Variants in CD27 observed in about 807,000 individuals in gnomAD.
The protein encoded by CD27 is CD27 molecule.
Under a neutral mutation model 25.9 loss-of-function variants are expected in CD27, and 16 were observed. The observed-to-expected ratio is 0.62, with a 90% CI of 0.42 to 0.94. The LOEUF (loss-of-function observed/expected upper bound fraction) is 0.94, where lower values mean the gene tolerates loss of function less well. Ranked by LOEUF, CD27 falls within the 40% of genes least tolerant of loss-of-function variation. The probability of loss-of-function intolerance (pLI) is 0.00; values close to 1 mark genes in which losing one functional copy is unlikely to be tolerated. For missense variants in CD27, 300 were observed against 333.2 expected (o/e 0.90, Z 0.78); for synonymous variants, 142 against 124.3 (o/e 1.14, Z -0.95).
intron 5 of CD27, 56 bp from the exon 6 acceptor site, chr12:6,451,212 T>C: frequency 6.3e-7 from 1 of 1,596,142 alleles, no homozygotes; most frequent in South Asian, 1.1e-5. Flanking sequence ...CATCTCCTTC[T>C]CCCGTCTCCC....
At chr12:6,449,282 C>T (rs1949473646) in intron 2 of CD27, among the ~76,000 whole-genome samples, 2 of 151,434 alleles carry the variant, frequency 1.3e-5, no homozygotes, top group Non-Finnish European at 2.9e-5. Flanking sequence ...CAGGCGTAAG[C>T]CACTGCACCT....
upstream of CD27, among the ~76,000 whole-genome samples, chr12:6,444,443 C>A (rs1949383736): frequency 6.6e-6 from 1 of 152,128 alleles, no homozygotes; most frequent in African/African-American, 2.4e-5. Context: ...ACTACCCCAA[C>A]TCCCCAAGGG....
In CD27 at chr12:6,451,428, C is replaced by T. The variant is rs1421571529; in HGVS notation, c.*36C>T. On this transcript the variant is annotated 3_prime_UTR_variant, in exon 6 of 6. Transcript: ENST00000266557. Reference sequence around the variant, plus strand: ...GCGGGAGCTGCACTACAGCCCTGGCCTCCACCCCCACCCCGCCGACCATCC... The same window carrying T: ...GCGGGAGCTGCACTACAGCCCTGGCTTCCACCCCCACCCCGCCGACCATCC... 1 of 1,596,512 alleles carries T rather than the reference C, an allele frequency of 6.3e-7. No individual in the cohort carries two copies.
Position 6,445,431 on chromosome 12 carries a change from C to G in CD27, c.144C>G (p.Phe48Leu). Residue 48 changes from phenylalanine (F) to leucine (L), a missense_variant, in exon 2 of 6, where the codon TTC (phenylalanine) becomes TTG (leucine). Transcript: ENST00000266557. The surrounding 1 kb of genome is among the most constrained non-coding windows in gnomAD (Gnocchi z 4.5). ...LCCQMCEPGT[F>L]LVKDCDQHRK... Reference sequence around the variant, plus strand: ...CTTACCCTCTCCTCCCAGGAACATTCCTCGTGAAGGACTGTGACCAGCATA... The same window carrying G: ...CTTACCCTCTCCTCCCAGGAACATTGCTCGTGAAGGACTGTGACCAGCATA... 6.2e-7 allele frequency: 1 copy of G among 1,614,184 alleles called. No homozygotes were observed. Among genetic ancestry groups the G allele is most frequent in the Non-Finnish European group, 8.5e-7 (1 of 1,180,030 alleles).
Position 6,451,391 on chromosome 12 carries a change from G to A in CD27, c.782G>A (p.Ter261=). ...AAACCGGAGCCTGCCTGCTCCCCCT[G>A]AGCCAGCACCTGCGGGAGCTGCACT... ...YRKPEPACSP[*] Residue 261 remains the stop codon, a stop_retained_variant, in exon 6 of 6, where the codon TGA becomes TAA. Transcript: ENST00000266557. 6.2e-7 allele frequency: 1 copy of A among 1,612,562 alleles called. No individual in the cohort carries two copies.
intron 2 of CD27, chr12:6,447,640 T>C (rs1182008034): frequency 2.6e-5 from 4 of 152,194 alleles, no homozygotes; most frequent in Non-Finnish European, 5.9e-5. Flanking sequence ...TTTTGTTTTG[T>C]TTTTTAATTA....
In CD27 at chr12:6,445,069, C is replaced by G; in HGVS notation, c.-27C>G. On this transcript the variant is annotated 5_prime_UTR_variant, in exon 1 of 6. Coordinates refer to ENST00000266557, the MANE Select transcript of CD27 (RefSeq NM_001242.5). The surrounding 1 kb of genome is among the most constrained non-coding windows in gnomAD (Gnocchi z 4.5). ...AGAGGCCAGCATCAGCAACTGGGCA[C>G]AGAAAGGAGCCGCCTGGGCAGGGAC... The G allele has an allele frequency of 6.3e-7, 1 of 1,586,198 alleles. No individual in the cohort carries two copies. The highest frequency in any genetic ancestry group is 8.6e-7 in the Non-Finnish European group (1 of 1,169,540).
At chr12:6,444,775 C>T (rs1174870063), upstream of CD27, 2 of 244,062 alleles carry the variant, frequency 8.2e-6, no homozygotes, top group Non-Finnish European at 1.6e-5. Context: ...GGGCTACGTG[C>T]TTCATGAGCA....
At position 6,445,373 on chromosome 12, in the gene CD27, G is replaced by A; in HGVS notation, c.137-51G>A. 1 of 1,612,464 alleles carries A rather than the reference G, an allele frequency of 6.2e-7. No individual in the cohort carries two copies. The highest frequency in any genetic ancestry group is 8.5e-7 in the Non-Finnish European group (1 of 1,178,878). The stretch of plus-strand genomic sequence containing the variant: ...TGTGGGGAGGCACCACCTTGAAGAG[G>A]GCAGAGAACCAGCCCTTCTCAGGCC... On this transcript the variant is annotated intron_variant, in intron 1 of 5. Transcript: ENST00000266557. This position sits in a 1 kb window ranked among gnomAD's most constrained non-coding sequence, Gnocchi z 4.5.
chr12:6,450,119 G>A lies in CD27; in HGVS notation c.269-54G>A, dbSNP rs571118813. 6.6e-6 allele frequency: 10 copies of A among 1,526,682 alleles called. No homozygotes were observed. In the East Asian group the frequency reaches 2.0e-4, roughly 31 times the overall value. The allele number at this position is 1,526,682 out of a possible 1,614,324, so 94.6% of individuals were successfully genotyped here. A position where few individuals can be genotyped will look rare whatever the true frequency, so the allele number is the denominator to read the frequency against. ...TTGGGGGATGAAGCAAGTGGACCTT[G>A]AAGGTCTCCACAGGTCTGAGTGTCC... On this transcript the variant is annotated intron_variant, in intron 2 of 5. Transcript: ENST00000266557. This position sits in a 1 kb window ranked among gnomAD's most constrained non-coding sequence, Gnocchi z 4.1.
rs1357503832 is a variant in CD27, at chr12:6,450,043, G to A, written c.269-130G>A. 3 of 706,006 alleles carry A rather than the reference G, an allele frequency of 4.2e-6. No individual in the cohort carries two copies. The highest frequency in any genetic ancestry group is 7.1e-6 in the Non-Finnish European group (3 of 425,220). 43.7% of individuals were successfully genotyped at this position (706,006 alleles called of 1,614,324 possible). A position where few individuals can be genotyped will look rare whatever the true frequency, so the allele number is the denominator to read the frequency against. Reference sequence around the variant, plus strand: ...TGAGCAAAGGGCAGGCCTTTGCAGGGGTGGGAATGGAAAGGGAAGCACGTC... The same window carrying A: ...TGAGCAAAGGGCAGGCCTTTGCAGGAGTGGGAATGGAAAGGGAAGCACGTC... On this transcript the variant is annotated intron_variant, in intron 2 of 5. Transcript: ENST00000266557. The surrounding 1 kb of genome is among the most constrained non-coding windows in gnomAD (Gnocchi z 4.1).
chr12:6,449,850 C>T (rs1278426002), intron 2 of CD27, among the ~76,000 whole-genome samples: 1 of 151,584 alleles, frequency 6.6e-6, no homozygotes, highest in Admixed American at 6.6e-5. Flanking sequence ...GACTCCATCT[C>T]AAAAAAATAA....
rs1231219596 is a variant in CD27, at chr12:6,451,540, TC to T, written c.*149del. ...TGTGTACACGTGACAGAGTGCCTTT[TC>T]GAGACTGGCAGGGACGAGGACAAAT... is the stretch of plus-strand genomic sequence containing the variant. On this transcript the variant is annotated 3_prime_UTR_variant, in exon 6 of 6. Transcript: ENST00000266557. 1.2e-6 allele frequency: 1 copy of T among 813,090 alleles called. No homozygotes were observed. Among genetic ancestry groups the T allele is most frequent in the East Asian group, 2.7e-5 (1 of 36,760 alleles). 50.4% of individuals were successfully genotyped at this position (813,090 alleles called of 1,614,324 possible).
Position 6,450,457 on chromosome 12 carries a change from C to T in CD27, c.449-84C>T. ...GATAAGGTCAGCCTGTTTCTGCCTT[C>T]CCATCCCATCCAGCACCTCTCAGGC... On this transcript the variant is annotated intron_variant, in intron 3 of 5. Transcript: ENST00000266557. The surrounding 1 kb of genome is among the most constrained non-coding windows in gnomAD (Gnocchi z 4.1). 1 of 1,534,214 alleles carries T rather than the reference C, an allele frequency of 6.5e-7. No homozygotes were observed. Among genetic ancestry groups the T allele is most frequent in the Non-Finnish European group, 9.0e-7 (1 of 1,116,820 alleles).
intron 2 of CD27, chr12:6,448,596 T>A (rs1949458687): frequency 6.6e-6 from 1 of 152,114 alleles, no homozygotes; most frequent in Non-Finnish European, 1.5e-5. Context: ...AAACCCCGTC[T>A]CTACTAAAAA....
chr12:6,448,077 A>G (rs948991191), intron 2 of CD27: 1 of 152,328 alleles, frequency 6.6e-6, no homozygotes, highest in Non-Finnish European at 1.5e-5. Flanking sequence ...TCTAGTAGCA[A>G]CTCAGAGTCA....
chr12:6,449,171 A>AT (rs1949471504), intron 2 of CD27, among the ~76,000 whole-genome samples: 1 of 151,370 alleles, frequency 6.6e-6, no homozygotes, highest in African/African-American at 2.4e-5. Context: ...TAATTTTTGT[A>AT]TTTTTTGTAG....
rs1949550250 is a variant in CD27 at position 6,451,615 on chromosome 12, C to T, written c.*223C>T. On this transcript the variant is annotated 3_prime_UTR_variant, in exon 6 of 6. Transcript: ENST00000266557. ...GCAGGAGCCCAGCCAGCTGCGCCTG[C>T]GCTGCAGGAGGGCGGGGGCTCTGGT... 1 of 509,358 alleles carries T rather than the reference C, an allele frequency of 2.0e-6. No individual in the cohort carries two copies. Among genetic ancestry groups the T allele is most frequent in the Non-Finnish European group, 3.5e-6 (1 of 289,546 alleles). 31.6% of individuals were successfully genotyped at this position (509,358 alleles called of 1,614,324 possible). A position where few individuals can be genotyped will look rare whatever the true frequency, so the allele number is the denominator to read the frequency against.
intron 5 of CD27, 41 bp from the exon 6 acceptor site, chr12:6,451,226 GC>G: frequency 6.2e-7 from 1 of 1,603,396 alleles, no homozygotes; most frequent in South Asian, 1.1e-5. Flanking sequence ...GTCTCCCCCT[GC>G]CCCCACTGCT....
Sources: allele counts gnomAD v4.1 joint callset (sites outside exome capture counted in the v4.1 genomes callset), GRCh38; gene constraint gnomAD v4.1.1; non-coding constraint Gnocchi (gnomAD v3.1); transcripts MANE v1.5; gene names NCBI Gene and HGNC (gene_info 2026-07-23, HGNC 2026-07-21).